CACHD1: variants seen among roughly 807,000 people sequenced by gnomAD.
The protein encoded by CACHD1 is cache domain containing 1.
CACHD1 carries 71 observed loss-of-function variants against 138.7 expected under a neutral mutation model. The observed-to-expected ratio is 0.51, with a 90% CI of 0.42 to 0.62. The LOEUF (loss-of-function observed/expected upper bound fraction) is 0.62, where lower values mean the gene tolerates loss of function less well. CACHD1 is among the 20% of genes least tolerant of loss of function. The pLI is 0.00. For missense variants in CACHD1, 1,389 were observed against 1,625.3 expected (o/e 0.85, Z 2.50); for synonymous variants, 578 against 591.5 (o/e 0.98, Z 0.33).
intron 6 of CACHD1, 81 bp from the exon 7 acceptor site, chr1:64,633,963 C>T (rs921878728): frequency 1.2e-5 from 13 of 1,121,458 alleles, no homozygotes; most frequent in Non-Finnish European, 1.0e-5. Context: ...ACTCCTTGGC[C>T]TCTTCTGTTA....
At chr1:64,624,763 C>G (rs1648038724) in intron 4 of CACHD1, among the ~76,000 whole-genome samples, 1 of 152,144 alleles carries the variant, frequency 6.6e-6, no homozygotes, top group Non-Finnish European at 1.5e-5. Flanking sequence ...ATTTTTATTC[C>G]TAGGACTTTT....
intron 26 of CACHD1, among the ~76,000 whole-genome samples, chr1:64,686,326 A>C (rs1301556910): frequency 6.6e-6 from 1 of 152,244 alleles, no homozygotes; most frequent in African/African-American, 2.4e-5. Context: ...GAATTGAATG[A>C]AAATTGAATG....
intron 1 of CACHD1, among the ~76,000 whole-genome samples, chr1:64,511,949 A>G (rs1325171270): frequency 6.6e-6 from 1 of 152,230 alleles, no homozygotes; most frequent in South Asian, 2.1e-4. Context: ...AGCATTTGGC[A>G]TAGTCACTGG....
At chr1:64,633,300 G>T (rs1023661290) in intron 6 of CACHD1, among the ~76,000 whole-genome samples, 1 of 152,152 alleles carries the variant, frequency 6.6e-6, no homozygotes, top group African/African-American at 2.4e-5. Flanking sequence ...AAGACTTTGG[G>T]AAAAGAGTAT....
At chr1:64,596,110 G>A (rs970670493) in intron 3 of CACHD1, among the ~76,000 whole-genome samples, 3 of 151,742 alleles carry the variant, frequency 2.0e-5, no homozygotes, top group Admixed American at 1.3e-4. Context: ...ACTCAGTCGA[G>A]GGGGGGGTTG....
chr1:64,505,379 T>TGAAGG (rs1646364165), intron 1 of CACHD1, among the ~76,000 whole-genome samples: 1 of 149,288 alleles, frequency 6.7e-6, no homozygotes, highest in African/African-American at 2.5e-5. Flanking sequence ...CTGCGAGGTC[T>TGAAGG]GGAGGGGAGG....
intron 2 of CACHD1, among the ~76,000 whole-genome samples, chr1:64,581,118 G>C (rs898442395): frequency 6.6e-6 from 1 of 152,152 alleles, no homozygotes; most frequent in Non-Finnish European, 1.5e-5. Flanking sequence ...TAGCAAGGCT[G>C]AGAACCTCAG....
intron 26 of CACHD1, among the ~76,000 whole-genome samples, chr1:64,683,630 A>G (rs555937228): frequency 2.6e-5 from 4 of 152,344 alleles, no homozygotes; most frequent in African/African-American, 9.6e-5. Context: ...GTATCTGAAC[A>G]CTAAGGCATC....
At chr1:64,487,254 C>T (rs1011659964) in intron 1 of CACHD1, among the ~76,000 whole-genome samples, 2 of 152,120 alleles carry the variant, frequency 1.3e-5, no homozygotes, top group Non-Finnish European at 2.9e-5. Context: ...TTGGCTCTGT[C>T]ACCCCCTGGC....
intron 1 of CACHD1, among the ~76,000 whole-genome samples, chr1:64,511,681 C>T (rs187568157): frequency 7.2e-5 from 11 of 152,280 alleles, no homozygotes; most frequent in Non-Finnish European, 1.3e-4. Context: ...GCTCTGGCCA[C>T]GAGGAAATTA....
At chr1:64,499,538 C>T (rs755989610) in intron 1 of CACHD1, among the ~76,000 whole-genome samples, 8 of 152,086 alleles carry the variant, frequency 5.3e-5, no homozygotes, top group South Asian at 2.1e-4. Flanking sequence ...TTCTGGGCTC[C>T]GCAGAATTCA....
chr1:64,510,773 T>C (rs565459267), intron 1 of CACHD1, among the ~76,000 whole-genome samples: 4 of 152,360 alleles, frequency 2.6e-5, no homozygotes, highest in African/African-American at 9.6e-5. Flanking sequence ...TTCAGATACA[T>C]GCAGACAATG....
chr1:64,606,610 G>A (rs557720874), intron 4 of CACHD1, among the ~76,000 whole-genome samples: 6 of 152,274 alleles, frequency 3.9e-5, no homozygotes, highest in East Asian at 1.9e-4. Flanking sequence ...ATTTGACTTC[G>A]GTTAAAAGGT....
chr1:64,674,933 T>G (rs1360088571), intron 19 of CACHD1, among the ~76,000 whole-genome samples: 2 of 152,238 alleles, frequency 1.3e-5, no homozygotes, highest in African/African-American at 2.4e-5. Flanking sequence ...TTAGGTTTGA[T>G]TTTTAAATAA....
chr1:64,612,199 A>T (rs991799797), intron 4 of CACHD1, among the ~76,000 whole-genome samples: 1 of 152,184 alleles, frequency 6.6e-6, no homozygotes, highest in South Asian at 2.1e-4. Flanking sequence ...CAGAGCCAAA[A>T]CCTATCATGA....
intron 3 of CACHD1, among the ~76,000 whole-genome samples, chr1:64,585,423 T>C (rs1647044021): frequency 1.3e-5 from 2 of 152,230 alleles, no homozygotes; most frequent in African/African-American, 4.8e-5. Flanking sequence ...ACTTCTCATT[T>C]AGTTAGTTGA....
chr1:64,533,524 A>G (rs951870976), intron 1 of CACHD1, among the ~76,000 whole-genome samples: 22 of 152,226 alleles, frequency 1.4e-4, no homozygotes, highest in Non-Finnish European at 4.4e-5. Flanking sequence ...CTGTTGGTAT[A>G]TTAATAAGTG....
intron 4 of CACHD1, among the ~76,000 whole-genome samples, chr1:64,625,346 G>A (rs1648058021): frequency 6.6e-6 from 1 of 152,180 alleles, no homozygotes; most frequent in Non-Finnish European, 1.5e-5. Flanking sequence ...ACCTAGTGGG[G>A]ATGGGCGTGG....
At position 64,608,044 on chromosome 1, in the gene CACHD1, G is replaced by T. The variant is rs147743337; in HGVS notation, c.517+5132G>T. ...GAAGAAGAGTGTGGAGAGGGCAGAG[G>T]TAAGTAGAATATAAAGACCAGATCT... On this transcript the variant is annotated intron_variant, in intron 4 of 26. Transcript: ENST00000651257. Among the ~76,000 whole-genome samples the T allele has an allele frequency of 6.6e-5, 10 of 152,246 alleles. No individual in the cohort carries two copies. In the East Asian group the frequency reaches 1.9e-3, roughly 29 times the overall value.
Sources: allele counts gnomAD v4.1 joint callset (sites outside exome capture counted in the v4.1 genomes callset), GRCh38; gene constraint gnomAD v4.1.1; transcripts MANE v1.5; gene names NCBI Gene and HGNC (gene_info 2026-07-23, HGNC 2026-07-21).